The following ABCA8 variants were observed in gnomAD, a reference collection of about 807,000 sequenced individuals.
ABCA8 encodes the protein ABC-type organic anion transporter ABCA8.
In ABCA8, 177 loss-of-function variants were observed where a neutral mutation model predicts 192.3. That is an observed-to-expected ratio of 0.92 (90% CI 0.81 to 1.04). The LOEUF (loss-of-function observed/expected upper bound fraction) is 1.04. ABCA8 is among the 50% of genes least tolerant of loss of function. The pLI is 0.00. For missense variants in ABCA8, 1,915 were observed against 1,904.8 expected (o/e 1.01, Z -0.10); for synonymous variants, 642 against 690.2 (o/e 0.93, Z 1.09).
intron 7 of ABCA8, chr17:68,932,066 C>A: frequency 2.7e-6 from 1 of 369,972 alleles, no homozygotes; most frequent in Non-Finnish European, 5.1e-6. Context: ...AAAAATTATC[C>A]AGGCATGGTG....
chr17:68,939,811 TA>T (rs755355989), intron 4 of ABCA8, among the ~76,000 whole-genome samples: 12 of 152,302 alleles, frequency 7.9e-5, no homozygotes, highest in Non-Finnish European at 1.8e-4. Context: ...AATATAGTAT[TA>T]TTTTTTATAG....
chr17:68,954,831 G>C (rs1328999803), intron 1 of ABCA8, among the ~76,000 whole-genome samples: 3 of 152,092 alleles, frequency 2.0e-5, no homozygotes, highest in Non-Finnish European at 2.9e-5. Context: ...CTACATTATT[G>C]TGCAATCAAA....
rs552340183 is a variant in ABCA8, at chr17:68,915,560, C to G, written c.2138+1801G>C. Among the ~76,000 whole-genome samples the G allele has an allele frequency of 1.2e-4, 18 of 152,138 alleles. No homozygotes were observed. In the East Asian group the frequency reaches 3.5e-3, roughly 29 times the overall value. The stretch of plus-strand genomic sequence containing the variant: ...CATTGATCACCAGAGAAATGCAAAT[C>G]AAAACTACAATGAGACATCATCTCA... On this transcript the variant is annotated intron_variant, in intron 17 of 39. Transcript: ENST00000586539.
chr17:68,876,691 C>T lies in ABCA8; in HGVS notation c.4212G>A (p.Ala1404=), dbSNP rs200161554. ...AEVAITRLVD[A]LKLQDQLKSP... ...ACTTCAGCTGGTCCTGCAGCTTGAG[C>T]GCATCCACTAACCTGAAGGAAACAG... Residue 1404 remains alanine (A), a synonymous_variant, in exon 34 of 40, where the codon GCG becomes GCA. Transcript: ENST00000586539. 1.2e-5 allele frequency: 20 copies of T among 1,614,022 alleles called. No individual in the cohort carries two copies. The highest frequency in any genetic ancestry group is 6.7e-5 in the East Asian group (3 of 44,882).
Position 68,933,300 on chromosome 17 carries a change from A to G in ABCA8, c.467-29T>C, listed in dbSNP as rs750932957. The G allele has an allele frequency of 3.0e-6, 4 of 1,340,396 alleles. No homozygotes were observed. In the East Asian group the frequency reaches 9.2e-5, roughly 31 times the overall value. 83.0% of individuals were successfully genotyped at this position (1,340,396 alleles called of 1,614,324 possible). On this transcript the variant is annotated intron_variant, in intron 5 of 39. Transcript: ENST00000586539. ...TGTGAAAAAACAAATCATAACTATC[A>G]TTACATCACTATCTATATTATTGAA... is the stretch of plus-strand genomic sequence containing the variant.
At chr17:68,872,975 G>T (rs1287672924) in intron 37 of ABCA8, among the ~76,000 whole-genome samples, 1 of 152,210 alleles carries the variant, frequency 6.6e-6, no homozygotes, top group Non-Finnish European at 1.5e-5. Context: ...GAACACTAAG[G>T]TTAATTTATT....
At chr17:68,870,082 T>G (rs889139390) in intron 37 of ABCA8, among the ~76,000 whole-genome samples, 9 of 152,158 alleles carry the variant, frequency 5.9e-5, no homozygotes, top group African/African-American at 2.2e-4. Context: ...GCTAGGGCCT[T>G]GAACATTCCC....
In ABCA8 at chr17:68,868,018, G is replaced by T; in HGVS notation, c.*67C>A. 1 of 1,116,044 alleles carries T rather than the reference G, an allele frequency of 9.0e-7. No homozygotes were observed. Among genetic ancestry groups the T allele is most frequent in the Non-Finnish European group, 1.3e-6 (1 of 780,340 alleles). 69.1% of individuals were successfully genotyped at this position (1,116,044 alleles called of 1,614,324 possible). A position where few individuals can be genotyped will look rare whatever the true frequency, so the allele number is the denominator to read the frequency against. On this transcript the variant is annotated 3_prime_UTR_variant, in exon 40 of 40. Coordinates refer to ENST00000586539, the MANE Select transcript of ABCA8 (RefSeq NM_001288985.2). ...ATATAGTTTCTAAAAATAGAACATT[G>T]CTGCTATAAAAATAAATGTATTTAA...
intron 26 of ABCA8, among the ~76,000 whole-genome samples, chr17:68,885,905 T>C (rs2066448236): frequency 6.6e-6 from 1 of 151,892 alleles, no homozygotes; most frequent in South Asian, 2.1e-4. Flanking sequence ...AAGTAGATGA[T>C]CAAAAATCAA....
intron 31 of ABCA8, among the ~76,000 whole-genome samples, chr17:68,881,467 G>A (rs1247626894): frequency 6.6e-6 from 1 of 152,186 alleles, no homozygotes. Context: ...TTCAGATTCT[G>A]TCTCCTGTGA....
intron 21 of ABCA8, 58 bp downstream of exon 21, chr17:68,902,655 T>C (rs1162384110): frequency 1.5e-6 from 2 of 1,372,374 alleles, no homozygotes; most frequent in Non-Finnish European, 2.0e-6. Flanking sequence ...TGGTTATGTT[T>C]TCTAAGTACT....
chr17:68,919,677 C>T, intron 13 of ABCA8: 1 of 490,422 alleles, frequency 2.0e-6, no homozygotes, highest in South Asian at 3.4e-5. Flanking sequence ...CCTTTGTCTG[C>T]CCCTCACATT....
At chr17:68,933,753 T>C (rs1259905198) in intron 5 of ABCA8, among the ~76,000 whole-genome samples, 1 of 152,182 alleles carries the variant, frequency 6.6e-6, no homozygotes, top group Non-Finnish European at 1.5e-5. Context: ...CCAATCAGAA[T>C]ATCTTTTGAA....
rs139538902 is a variant in ABCA8, at chr17:68,927,026, C to T, written c.1273+890G>A. On this transcript the variant is annotated intron_variant, in intron 10 of 39. Coordinates refer to ENST00000586539, the MANE Select transcript of ABCA8 (RefSeq NM_001288985.2). ...ATCCCAGCACTTTGGGAGGCCGAGG[C>T]GGGTGGATTACCTGAGATCAGGAGT... Among the ~76,000 whole-genome samples the T allele has an allele frequency of 2.6e-3, 402 of 152,204 alleles. 11 individuals are homozygous for T. In the East Asian group the frequency reaches 0.057, roughly 21 times the overall value.
At chr17:68,917,249 AAAC>A in intron 17 of ABCA8, 109 bp downstream of exon 17, 1 of 689,794 alleles carries the variant, frequency 1.4e-6, no homozygotes, top group African/African-American at 1.8e-5. Context: ...CTCAAAAACA[AAAC>A]AAAACAAAAA....
chr17:68,893,974 T>A (rs1199558948), intron 23 of ABCA8, 199 bp downstream of exon 23: 1 of 505,872 alleles, frequency 2.0e-6, no homozygotes, highest in African/African-American at 2.0e-5. Flanking sequence ...AAATGTTTTG[T>A]TCATTTTATT....
intron 4 of ABCA8, among the ~76,000 whole-genome samples, chr17:68,939,797 GA>G (rs1459558799): frequency 6.6e-6 from 1 of 152,056 alleles, no homozygotes; most frequent in African/African-American, 2.4e-5. Context: ...AAATATTTAT[GA>G]AAAATATAGT....
chr17:68,918,444 T>C lies in ABCA8; in HGVS notation c.1891A>G (p.Ile631Val). The change falls in exon 15 of 40, where the codon ATT becomes GTT. Residue 631 changes from isoleucine (I) to valine (V), a missense_variant. Ile to Val is a conservative substitution (Grantham distance 29, BLOSUM62 3). Coordinates refer to ENST00000586539, the MANE Select transcript of ABCA8 (RefSeq NM_001288985.2). Reference sequence around the variant, plus strand: ...TGACTCACCTGAGGATCTCCTAAAATGGCAATCCCAAAGGTTAGCTTTCTT... The same window carrying C: ...TGACTCACCTGAGGATCTCCTAAAACGGCAATCCCAAAGGTTAGCTTTCTT... ...QKRKLTFGIA[I>V]LGDPQIFLLD... is the part of the protein sequence containing the mutation. The C allele has an allele frequency of 6.4e-7, 1 of 1,574,146 alleles. No homozygotes were observed. Among genetic ancestry groups the C allele is most frequent in the Non-Finnish European group, 8.6e-7 (1 of 1,164,184 alleles).
intron 5 of ABCA8, among the ~76,000 whole-genome samples, chr17:68,934,901 G>A (rs1382914939): frequency 6.6e-6 from 1 of 152,036 alleles, no homozygotes; most frequent in East Asian, 1.9e-4. Context: ...TTTCCTGGTT[G>A]CTAATGAGGA....
Sources: gnomAD v4.1 joint callset for allele counts (sites outside exome capture counted in the v4.1 genomes callset) on GRCh38, gnomAD v4.1.1 for gene constraint, MANE v1.5 for transcripts, NCBI Gene and HGNC (gene_info 2026-07-23, HGNC 2026-07-21) for gene names.